Variants in LRIG1 observed in about 807,000 individuals in gnomAD.
LRIG1 encodes the protein leucine-rich repeats and immunoglobulin-like domains protein 1.
Under a neutral mutation model 99.2 loss-of-function variants are expected in LRIG1, and 48 were observed. That is an observed-to-expected ratio of 0.48 (90% CI 0.38 to 0.62). The LOEUF (loss-of-function observed/expected upper bound fraction) is 0.62, where lower values mean the gene tolerates loss of function less well. Among genes scored for constraint, LRIG1 ranks in the 20% least tolerant of loss-of-function variants. The pLI is 0.00. For synonymous variants in LRIG1, 772 were observed against 596.1 expected, an observed-to-expected ratio of 1.29 and a Z score of -4.30; for missense variants, 1,646 against 1,434.4, an observed-to-expected ratio of 1.15 and a Z score of -2.38.
chr3:66,452,367 C>T (rs769812739), intron 2 of LRIG1, among the ~76,000 whole-genome samples: 1 of 152,220 alleles, frequency 6.6e-6, no homozygotes, highest in Admixed American at 6.5e-5. Context: ...AACCAAAGCA[C>T]GGCTCGCCTG....
At chr3:66,383,784 C>A (rs1232465353) in intron 14 of LRIG1, among the ~76,000 whole-genome samples, 1 of 152,170 alleles carries the variant, frequency 6.6e-6, no homozygotes, top group Non-Finnish European at 1.5e-5. Flanking sequence ...CCTATGAAGA[C>A]TCTTAATTCA....
At chr3:66,405,844 A>G in intron 8 of LRIG1, 1 of 1,125,860 alleles carries the variant, frequency 8.9e-7, no homozygotes, top group Non-Finnish European at 1.1e-6. Flanking sequence ...GTGCTGAGTC[A>G]GACTTGTGAC....
intron 1 of LRIG1, among the ~76,000 whole-genome samples, chr3:66,497,914 T>C (rs1701265605): frequency 6.6e-6 from 1 of 152,120 alleles, no homozygotes; most frequent in Non-Finnish European, 1.5e-5. Context: ...TACAGACACT[T>C]TCTCCCCTAA....
At chr3:66,427,272 G>C (rs1039069836) in intron 3 of LRIG1, among the ~76,000 whole-genome samples, 1 of 152,200 alleles carries the variant, frequency 6.6e-6, no homozygotes, top group Non-Finnish European at 1.5e-5. Context: ...GAATGAAGGC[G>C]TGCACACATT....
intron 9 of LRIG1, chr3:66,401,532 A>C (rs1702055161): frequency 2.0e-6 from 2 of 986,726 alleles, no homozygotes; most frequent in Admixed American, 3.1e-5. Flanking sequence ...CGGTGACAAT[A>C]GCAATAAAAT....
rs1700983859 is a variant in LRIG1, at chr3:66,380,576, C to G, written c.3055+1G>C. On this transcript the variant is annotated splice_donor_variant, in intron 18 of 18. Coordinates refer to ENST00000273261, the MANE Select transcript of LRIG1 (RefSeq NM_015541.3). LOFTEE classifies it high-confidence loss of function. The stretch of plus-strand genomic sequence containing the variant: ...CCTGTTAGAAGACAGTCAAAAGTTA[C>G]CTTTCCCATCTAGAGATGCCATTGG... 4.3e-6 allele frequency: 7 copies of G among 1,613,530 alleles called. No individual in the cohort carries two copies. The highest frequency in any genetic ancestry group is 5.9e-6 in the Non-Finnish European group (7 of 1,179,482).
In LRIG1 at chr3:66,380,834, T is replaced by G; in HGVS notation, c.2798A>C (p.Asp933Ala). Residue 933 changes from aspartate (D) to alanine (A), a missense_variant, in exon 18 of 19, where the codon GAC (aspartate) becomes GCC (alanine). Transcript: ENST00000273261. ...MEHGGRVVCSDCNTEVDCYSR... is the reference protein window; with the variant it reads ...MEHGGRVVCSACNTEVDCYSR... ...GTAACAGTCCACTTCGGTGTTGCAGTCACTGCATACGACCCGGCCACCGTG... is the reference window on the plus strand; with the variant it reads ...GTAACAGTCCACTTCGGTGTTGCAGGCACTGCATACGACCCGGCCACCGTG... 6.2e-7 allele frequency: 1 copy of G among 1,614,162 alleles called. No homozygotes were observed. The highest frequency in any genetic ancestry group is 8.5e-7 in the Non-Finnish European group (1 of 1,180,032).
intron 3 of LRIG1, among the ~76,000 whole-genome samples, chr3:66,448,098 T>C (rs1253061516): frequency 6.6e-6 from 1 of 152,240 alleles, no homozygotes; most frequent in Non-Finnish European, 1.5e-5. Context: ...ACAATGCAAA[T>C]AAATCTGTTC....
intron 12 of LRIG1, among the ~76,000 whole-genome samples, chr3:66,389,992 G>T (rs1168335634): frequency 6.6e-6 from 1 of 152,064 alleles, no homozygotes; most frequent in Non-Finnish European, 1.5e-5. Context: ...GCCCTTTAAA[G>T]ATTTTTAAAG....
chr3:66,383,974 T>A lies in LRIG1; in HGVS notation c.2071+17A>T. Reference sequence around the variant, plus strand: ...CACACACACACACACACACACACAGTAGAGCAATAGGCAAACCTAGGACAG... The same window carrying A: ...CACACACACACACACACACACACAGAAGAGCAATAGGCAAACCTAGGACAG... On this transcript the variant is annotated intron_variant, in intron 14 of 18. Transcript: ENST00000273261. 7.5e-7 allele frequency: 1 copy of A among 1,337,648 alleles called. No homozygotes were observed. Among genetic ancestry groups the A allele is most frequent in the Non-Finnish European group, 1.0e-6 (1 of 998,098 alleles). The allele number at this position is 1,337,648 out of a possible 1,614,324, so 82.9% of individuals were successfully genotyped here. A position where few individuals can be genotyped will look rare whatever the true frequency, so the allele number is the denominator to read the frequency against.
chr3:66,386,294 G>A lies in LRIG1; in HGVS notation c.1476C>T (p.Phe492=), dbSNP rs1161665816. 3 of 1,613,622 alleles carry A rather than the reference G, an allele frequency of 1.9e-6. No homozygotes were observed. Among genetic ancestry groups the A allele is most frequent in the African/African-American group, 1.3e-5 (1 of 74,874 alleles). ...GCTGGGTGATGATCTGTGGCTTCAG[G>A]AAGTCATCTGGGGAGAGAAGGGTCA... The part of the protein sequence containing the change: ...VPPESFVCDD[F]LKPQIITQPE... Residue 492 remains phenylalanine, a synonymous_variant, in exon 13 of 19, where the codon TTC becomes TTT. Coordinates refer to ENST00000273261, the MANE Select transcript of LRIG1 (RefSeq NM_015541.3).
chr3:66,421,583 C>T (rs1275854254), intron 3 of LRIG1, among the ~76,000 whole-genome samples: 3 of 152,332 alleles, frequency 2.0e-5, no homozygotes, highest in South Asian at 4.1e-4. Flanking sequence ...TAGCCTCCCT[C>T]CCAGCTGCTT....
At position 66,437,810 on chromosome 3, in the gene LRIG1, C is replaced by T. The variant is rs1044535539; in HGVS notation, c.365+13749G>A. Among the ~76,000 whole-genome samples the T allele has an allele frequency of 3.3e-5, 5 of 152,206 alleles. No homozygotes were observed. The South Asian group carries it at 6.2e-4, about 19-fold the overall frequency. On this transcript the variant is annotated intron_variant, in intron 3 of 18. Coordinates refer to ENST00000273261, the MANE Select transcript of LRIG1 (RefSeq NM_015541.3). ...GGTGCAGTGGCAGAGGGGAACACAA[C>T]ATCATGGGGGGAGGAGGTCAGAAGA...
intron 1 of LRIG1, among the ~76,000 whole-genome samples, chr3:66,476,311 C>G (rs1300334805): frequency 6.6e-6 from 1 of 152,152 alleles, no homozygotes; most frequent in Non-Finnish European, 1.5e-5. Context: ...GCTCAAATAG[C>G]CCTGTCTGGC....
At chr3:66,404,088 C>T (rs547042328) in intron 9 of LRIG1, 9 of 399,952 alleles carry the variant, frequency 2.3e-5, no homozygotes, top group African/African-American at 1.3e-4. Context: ...CGACATGCTG[C>T]TGGAGTACAG....
chr3:66,459,683 T>A (rs907641316), intron 2 of LRIG1, among the ~76,000 whole-genome samples: 2 of 152,204 alleles, frequency 1.3e-5, no homozygotes, highest in Non-Finnish European at 2.9e-5. Context: ...CTCAACTTAA[T>A]GTAAACTCAG....
At chr3:66,387,799 A>C (rs1242391374) in intron 12 of LRIG1, 1 of 152,054 alleles carries the variant, frequency 6.6e-6, no homozygotes, top group Non-Finnish European at 1.5e-5. Context: ...GTCTTAAAAA[A>C]AATATCGAAG....
intron 13 of LRIG1, among the ~76,000 whole-genome samples, chr3:66,384,790 A>G (rs753539388): frequency 6.6e-6 from 1 of 152,220 alleles, no homozygotes; most frequent in Non-Finnish European, 1.5e-5. Context: ...ATACCCAGGC[A>G]GGAAGCATTC....
At chr3:66,499,581 G>A (rs993524492) in intron 1 of LRIG1, among the ~76,000 whole-genome samples, 1 of 152,116 alleles carries the variant, frequency 6.6e-6, no homozygotes, top group Non-Finnish European at 1.5e-5. Context: ...GGGTCCTCGG[G>A]GGAAGACTGC....
Sources: allele counts gnomAD v4.1 joint callset (sites outside exome capture counted in the v4.1 genomes callset), GRCh38; gene constraint gnomAD v4.1.1; transcripts MANE v1.5; gene names NCBI Gene and HGNC (gene_info 2026-07-23, HGNC 2026-07-21).